Variants in PRKD1 observed in about 807,000 individuals in gnomAD.
The protein encoded by PRKD1 is serine/threonine-protein kinase D1.
PRKD1 carries 63 observed loss-of-function variants against 95.9 expected under a neutral mutation model. That is an observed-to-expected ratio of 0.66 (90% CI 0.54 to 0.81). The LOEUF (loss-of-function observed/expected upper bound fraction) is 0.81. PRKD1 is among the 30% of genes least tolerant of loss of function. The pLI, the probability that PRKD1 is intolerant of heterozygous loss-of-function variation, is 0.00. For missense variants in PRKD1, 1,048 were observed against 1,165.3 expected, an observed-to-expected ratio of 0.90 and a Z score of 1.47; for synonymous variants, 425 against 423.1, an observed-to-expected ratio of 1.00 and a Z score of -0.05.
intron 13 of PRKD1, among the ~76,000 whole-genome samples, chr14:29,612,924 C>T (rs1878574414): frequency 6.6e-6 from 1 of 152,080 alleles, no homozygotes; most frequent in Admixed American, 6.5e-5. Flanking sequence ...AGGTGAAACC[C>T]CGTCTCTACT....
intron 1 of PRKD1, among the ~76,000 whole-genome samples, chr14:29,883,762 A>T (rs1365274871): frequency 6.6e-6 from 1 of 152,230 alleles, no homozygotes; most frequent in Non-Finnish European, 1.5e-5. Flanking sequence ...CATAGTCCAG[A>T]GACCCCCAAG....
chr14:29,728,834 A>C (rs920986125), intron 1 of PRKD1, among the ~76,000 whole-genome samples: 12 of 152,128 alleles, frequency 7.9e-5, no homozygotes, highest in Admixed American at 6.5e-4. Flanking sequence ...TTCATGTTTG[A>C]GCTGTATGTC....
intron 1 of PRKD1, among the ~76,000 whole-genome samples, chr14:29,752,796 A>C (rs1244736962): frequency 6.6e-6 from 1 of 152,124 alleles, no homozygotes; most frequent in Non-Finnish European, 1.5e-5. Context: ...ACATAAAAAA[A>C]GTAAAAAGAA....
At chr14:29,903,920 A>G (rs200361668) in intron 1 of PRKD1, among the ~76,000 whole-genome samples, 1 of 152,084 alleles carries the variant, frequency 6.6e-6, no homozygotes, top group Non-Finnish European at 1.5e-5. Flanking sequence ...ATACATATAT[A>G]TTTTATATAT....
intron 4 of PRKD1, chr14:29,656,599 T>C (rs1881855420): frequency 1.5e-6 from 2 of 1,321,554 alleles, no homozygotes; most frequent in Admixed American, 2.0e-5. Context: ...CAAAGCACAT[T>C]ACTCAATAAT....
chr14:29,612,881 G>A (rs1211897563), intron 13 of PRKD1, among the ~76,000 whole-genome samples: 1 of 152,078 alleles, frequency 6.6e-6, no homozygotes, highest in African/African-American at 2.4e-5. Flanking sequence ...GGTGGATCAC[G>A]AGGTCAGGAG....
At chr14:29,891,475 A>G (rs944486439) in intron 1 of PRKD1, among the ~76,000 whole-genome samples, 1 of 152,114 alleles carries the variant, frequency 6.6e-6, no homozygotes, top group South Asian at 2.1e-4. Flanking sequence ...GCCACCTTCT[A>G]TGCCTCTGCC....
Position 29,754,079 on chromosome 14 carries a change from C to G in PRKD1, c.265-28405G>C, listed in dbSNP as rs376880499. Among the ~76,000 whole-genome samples the G allele has an allele frequency of 8.5e-5, 13 of 152,258 alleles. No individual in the cohort carries two copies. In the East Asian group the frequency reaches 1.5e-3, roughly 18 times the overall value. The stretch of plus-strand genomic sequence containing the variant: ...GGCTTCCTAAATACAAAACTCTTTG[C>G]CAACATTGGCTATTACCCAACTTTT... On this transcript the variant is annotated intron_variant, in intron 1 of 17. Transcript: ENST00000331968.
chr14:29,636,271 C>T lies in PRKD1; in HGVS notation c.1190+19G>A. On this transcript the variant is annotated intron_variant, in intron 7 of 17. Transcript: ENST00000331968. ...CCTGGGGTTCCCCTGTTGGCTGAGG[C>T]TGGGAGTGCTGCTCTCACCTGATGG... The T allele has an allele frequency of 6.2e-7, 1 of 1,614,082 alleles. No homozygotes were observed. Among genetic ancestry groups the T allele is most frequent in the Non-Finnish European group, 8.5e-7 (1 of 1,179,948 alleles).
At chr14:29,775,231 G>T (rs553265830) in intron 1 of PRKD1, among the ~76,000 whole-genome samples, 1 of 152,338 alleles carries the variant, frequency 6.6e-6, no homozygotes, top group Non-Finnish European at 1.5e-5. Context: ...GACGCAGAAG[G>T]CGGGTGATTT....
chr14:29,595,153 G>A (rs1165538419), intron 16 of PRKD1, among the ~76,000 whole-genome samples: 1 of 152,132 alleles, frequency 6.6e-6, no homozygotes, highest in Non-Finnish European at 1.5e-5. Flanking sequence ...CTGAGTGGTA[G>A]GAAATTTTTA....
At chr14:29,696,900 T>C (rs1319167298) in intron 2 of PRKD1, among the ~76,000 whole-genome samples, 7 of 152,144 alleles carry the variant, frequency 4.6e-5, no homozygotes. Flanking sequence ...GGTGACTGTA[T>C]TGAACAGAGG....
At chr14:29,845,143 T>C (rs1243560836) in intron 1 of PRKD1, among the ~76,000 whole-genome samples, 1 of 152,234 alleles carries the variant, frequency 6.6e-6, no homozygotes, top group Non-Finnish European at 1.5e-5. Flanking sequence ...CCAATTTTTC[T>C]ACAATGCTGG....
chr14:29,909,406 G>A (rs950734654), intron 1 of PRKD1, among the ~76,000 whole-genome samples: 4 of 152,086 alleles, frequency 2.6e-5, no homozygotes, highest in South Asian at 2.1e-4. Context: ...GGCACACGGT[G>A]CAGGACTGAC....
chr14:29,747,027 C>T (rs568810552), intron 1 of PRKD1, among the ~76,000 whole-genome samples: 1 of 152,058 alleles, frequency 6.6e-6, no homozygotes, highest in Admixed American at 6.6e-5. Flanking sequence ...GTAATTTCAA[C>T]GTAAGTAGCT....
intron 1 of PRKD1, among the ~76,000 whole-genome samples, chr14:29,823,177 T>C (rs1034367894): frequency 3.9e-5 from 6 of 152,194 alleles, no homozygotes; most frequent in African/African-American, 1.4e-4. Context: ...CACTTTCTCC[T>C]TGGCTTTCCA....
At chr14:29,925,490 G>A (rs1388622642) in intron 1 of PRKD1, among the ~76,000 whole-genome samples, 3 of 152,068 alleles carry the variant, frequency 2.0e-5, no homozygotes, top group Admixed American at 6.6e-5. Flanking sequence ...GGTGCTTGCT[G>A]TCCCTCTCCC....
intron 13 of PRKD1, among the ~76,000 whole-genome samples, chr14:29,601,132 C>T (rs1171395112): frequency 6.6e-6 from 1 of 152,162 alleles, no homozygotes; most frequent in African/African-American, 2.4e-5. Flanking sequence ...AAATGGCTCA[C>T]TGCTCAGAAA....
intron 1 of PRKD1, among the ~76,000 whole-genome samples, chr14:29,779,225 C>G (rs1049165291): frequency 6.6e-6 from 1 of 152,122 alleles, no homozygotes; most frequent in South Asian, 2.1e-4. Flanking sequence ...TGAAAACTGG[C>G]ACAAGACAGG....
Sources: allele counts gnomAD v4.1 joint callset (sites outside exome capture counted in the v4.1 genomes callset), GRCh38; gene constraint gnomAD v4.1.1; transcripts MANE v1.5; gene names NCBI Gene and HGNC (gene_info 2026-07-23, HGNC 2026-07-21).